The following SMAP1 variants were observed in gnomAD, a reference collection of about 807,000 sequenced individuals.
SMAP1 encodes the protein small ArfGAP 1, also known as stromal membrane-associated protein 1.
In SMAP1, 24 loss-of-function variants were observed where a neutral mutation model predicts 58.5. That is an observed-to-expected ratio of 0.41 (90% CI 0.30 to 0.58). SMAP1 has a LOEUF of 0.58. SMAP1 is among the 20% of genes least tolerant of loss of function. The probability of loss-of-function intolerance (pLI) is 0.29; values close to 1 mark genes in which losing one functional copy is unlikely to be tolerated. For missense variants in SMAP1, 563 were observed against 566.3 expected (o/e 0.99, Z 0.06); for synonymous variants, 216 against 196.6 (o/e 1.10, Z -0.82).
At chr6:70,792,375 A>G (rs935893845) in intron 5 of SMAP1, among the ~76,000 whole-genome samples, 1 of 149,198 alleles carries the variant, frequency 6.7e-6, no homozygotes, top group Non-Finnish European at 1.5e-5. Flanking sequence ...AGTTTCAGGC[A>G]TCCTTTCAAC....
At chr6:70,741,093 C>T (rs1461273203) in intron 2 of SMAP1, among the ~76,000 whole-genome samples, 1 of 152,146 alleles carries the variant, frequency 6.6e-6, no homozygotes, top group African/African-American at 2.4e-5. Flanking sequence ...GGGACACAGC[C>T]AAACCATACC....
At chr6:70,757,096 T>G (rs1229635657) in intron 3 of SMAP1, among the ~76,000 whole-genome samples, 2 of 152,110 alleles carry the variant, frequency 1.3e-5, no homozygotes, top group Non-Finnish European at 2.9e-5. Flanking sequence ...GCTGGAGGCA[T>G]CACACTACCT....
At position 70,852,526 on chromosome 6, in the gene SMAP1, T is replaced by G; in HGVS notation, c.665-14T>G. On this transcript the variant is annotated splice_polypyrimidine_tract_variant and intron_variant, in intron 7 of 10. Transcript: ENST00000370455. ...GATATTCTACGTTAAGACGAGAATC[T>G]ATATTCTTTTCAGATGGCCCTGCTG... 1.9e-6 allele frequency: 3 copies of G among 1,550,172 alleles called. No individual in the cohort carries two copies. Among genetic ancestry groups the G allele is most frequent in the Admixed American group, 2.1e-5 (1 of 48,450 alleles).
At chr6:70,688,583 C>A (rs1405873006) in intron 1 of SMAP1, among the ~76,000 whole-genome samples, 2 of 152,158 alleles carry the variant, frequency 1.3e-5, no homozygotes, top group African/African-American at 2.4e-5. Flanking sequence ...AGTTTTCCAT[C>A]TGTATGTCCT....
chr6:70,768,788 G>C (rs1210102204), intron 3 of SMAP1, among the ~76,000 whole-genome samples: 1 of 152,080 alleles, frequency 6.6e-6, no homozygotes, highest in Non-Finnish European at 1.5e-5. Context: ...CTTGCCCTCT[G>C]CTAGCTTTTG....
rs183458308 is a variant in SMAP1 at position 70,748,794 on chromosome 6, A to G, written c.253-6186A>G. On this transcript the variant is annotated intron_variant, in intron 2 of 10. Coordinates refer to ENST00000370455, the MANE Select transcript of SMAP1 (RefSeq NM_001044305.3). ...AAGTGCAGTGAATATTCTCCCTCCC[A>G]CTTCTGTCTCTGTCATTCAGTTGCC... Among the ~76,000 whole-genome samples, 25 of 152,094 alleles carry G rather than the reference A, an allele frequency of 1.6e-4. No individual in the cohort carries two copies. The East Asian group carries it at 4.8e-3, about 29-fold the overall frequency.
intron 3 of SMAP1, among the ~76,000 whole-genome samples, chr6:70,758,278 C>A (rs2149893521): frequency 6.6e-6 from 1 of 150,454 alleles, no homozygotes; most frequent in South Asian, 2.1e-4. Flanking sequence ...GAACAAAAAA[C>A]CAAACACTGC....
chr6:70,725,177 C>T (rs1768719645), intron 1 of SMAP1, among the ~76,000 whole-genome samples: 4 of 120,228 alleles, frequency 3.3e-5, no homozygotes, highest in Admixed American at 2.3e-4. Context: ...AGTGCAGTGG[C>T]GTGATCTCGG....
intron 3 of SMAP1, among the ~76,000 whole-genome samples, chr6:70,771,794 T>C (rs532236357): frequency 1.3e-3 from 192 of 152,326 alleles, no homozygotes; most frequent in African/African-American, 4.4e-3. Flanking sequence ...CCTAGTGAGA[T>C]GAATCCGGTA....
chr6:70,810,063 T>G (rs1769321364), intron 6 of SMAP1, among the ~76,000 whole-genome samples: 1 of 152,208 alleles, frequency 6.6e-6, no homozygotes, highest in South Asian at 2.1e-4. Flanking sequence ...TACAGTGTAG[T>G]ACCCCTCAGT....
At chr6:70,818,858 A>T (rs183427629) in intron 6 of SMAP1, among the ~76,000 whole-genome samples, 2 of 152,098 alleles carry the variant, frequency 1.3e-5, no homozygotes, top group Admixed American at 6.5e-5. Context: ...TAAAATATCA[A>T]CTTTATTGAT....
Position 70,753,066 on chromosome 6 carries a change from C to G in SMAP1, c.253-1914C>G, listed in dbSNP as rs534345442. Among the ~76,000 whole-genome samples the G allele has an allele frequency of 7.9e-5, 12 of 151,450 alleles. No individual in the cohort carries two copies. The East Asian group carries it at 2.1e-3, about 27-fold the overall frequency. ...TCCTAATTATTTTTTATTTCCCCCC[C>G]GAGATATTAATGAGCTACATTAAAT... On this transcript the variant is annotated intron_variant, in intron 2 of 10. Coordinates refer to ENST00000370455, the MANE Select transcript of SMAP1 (RefSeq NM_001044305.3).
Position 70,860,359 on chromosome 6 carries a change from G to C in SMAP1, c.*25G>C, listed in dbSNP as rs760725061. ...AAAACTGCAATACAAGTTTCATCCA[G>C]AACTACCACCTGACATTCCTTGCTG... is the stretch of plus-strand genomic sequence containing the variant. On this transcript the variant is annotated 3_prime_UTR_variant, in exon 11 of 11. Transcript: ENST00000370455. The C allele has an allele frequency of 1.9e-6, 3 of 1,590,702 alleles. No homozygotes were observed. In the South Asian group the frequency reaches 3.4e-5, roughly 18 times the overall value.
At chr6:70,759,411 A>G (rs1766655000) in intron 3 of SMAP1, among the ~76,000 whole-genome samples, 1 of 152,154 alleles carries the variant, frequency 6.6e-6, no homozygotes, top group South Asian at 2.1e-4. Flanking sequence ...CTTGAATATA[A>G]CAGGGTAAAT....
chr6:70,717,715 AT>A (rs1768333416), intron 1 of SMAP1, among the ~76,000 whole-genome samples: 1 of 152,212 alleles, frequency 6.6e-6, no homozygotes, highest in African/African-American at 2.4e-5. Context: ...CTGCTAACAC[AT>A]TTTCAGATCA....
At chr6:70,837,790 A>G in intron 7 of SMAP1, 4 of 1,231,328 alleles carry the variant, frequency 3.2e-6, no homozygotes, top group Non-Finnish European at 4.2e-6. Context: ...GTTTGGAGAA[A>G]GATTGAGAAG....
At chr6:70,686,702 C>T (rs969805223) in intron 1 of SMAP1, among the ~76,000 whole-genome samples, 8 of 152,062 alleles carry the variant, frequency 5.3e-5, no homozygotes, top group Admixed American at 1.3e-4. Context: ...ACAGTATATA[C>T]GAAGTGGTGG....
chr6:70,761,015 A>G (rs1766725109), intron 3 of SMAP1, among the ~76,000 whole-genome samples: 1 of 152,128 alleles, frequency 6.6e-6, no homozygotes, highest in Non-Finnish European at 1.5e-5. Context: ...AAAGCTAATC[A>G]GCAGTTCTCC....
intron 4 of SMAP1, among the ~76,000 whole-genome samples, chr6:70,779,736 A>G (rs1296996925): frequency 1.3e-5 from 2 of 152,132 alleles, no homozygotes; most frequent in African/African-American, 2.4e-5. Flanking sequence ...AATGTGTTGA[A>G]TAGAGCATGT....
Sources: gnomAD v4.1 joint callset for allele counts (sites outside exome capture counted in the v4.1 genomes callset) on GRCh38, gnomAD v4.1.1 for gene constraint, MANE v1.5 for transcripts, NCBI Gene and HGNC (gene_info 2026-07-23, HGNC 2026-07-21) for gene names.